TAFA1: variants seen among roughly 807,000 people sequenced by gnomAD.
TAFA1 encodes TAFA chemokine like family member 1, also known as chemokine-like protein TAFA-1.
TAFA1 carries 4 observed loss-of-function variants against 18.5 expected under a neutral mutation model. The observed-to-expected ratio is 0.22, with a 90% CI of 0.11 to 0.49. TAFA1 has a LOEUF of 0.49. Ranked by LOEUF, TAFA1 falls within the 20% of genes least tolerant of loss-of-function variation. The pLI is 0.98. For missense variants in TAFA1, 147 were observed against 169.0 expected (o/e 0.87, Z 0.72); for synonymous variants, 56 against 55.2 (o/e 1.01, Z -0.06).
intron 2 of TAFA1, among the ~76,000 whole-genome samples, chr3:68,277,876 A>G (rs1249039329): frequency 2.0e-5 from 3 of 152,202 alleles, no homozygotes; most frequent in African/African-American, 7.2e-5. Flanking sequence ...TCAGGTCAAT[A>G]CATTTAGCCA....
intron 2 of TAFA1, among the ~76,000 whole-genome samples, chr3:68,387,084 A>G (rs534967265): frequency 6.6e-6 from 1 of 150,760 alleles, no homozygotes; most frequent in Non-Finnish European, 1.5e-5. Flanking sequence ...GTCTGCATGC[A>G]GACACTTTCT....
chr3:68,110,008 G>A (rs1312654241), intron 2 of TAFA1, among the ~76,000 whole-genome samples: 2 of 151,726 alleles, frequency 1.3e-5, no homozygotes, highest in African/African-American at 4.8e-5. Flanking sequence ...GGATACATGT[G>A]CAGCATGTGC....
chr3:68,202,716 A>G (rs1290272991), intron 2 of TAFA1, among the ~76,000 whole-genome samples: 1 of 151,630 alleles, frequency 6.6e-6, no homozygotes, highest in Admixed American at 6.6e-5. Flanking sequence ...CCTTTCTATC[A>G]TTTCTCTAGT....
At chr3:68,029,582 A>G (rs942908977) in intron 2 of TAFA1, among the ~76,000 whole-genome samples, 6 of 152,226 alleles carry the variant, frequency 3.9e-5, no homozygotes, top group African/African-American at 1.4e-4. Flanking sequence ...ATTTCAAGTG[A>G]AGCCTGGGAC....
At chr3:68,369,595 T>G (rs1488239084) in intron 2 of TAFA1, among the ~76,000 whole-genome samples, 1 of 152,218 alleles carries the variant, frequency 6.6e-6, no homozygotes, top group African/African-American at 2.4e-5. Context: ...TTGTCCTATG[T>G]AGTTTCTGAA....
intron 1 of TAFA1, chr3:68,006,314 A>G (rs1418446515): frequency 6.9e-5 from 19 of 274,762 alleles, no homozygotes; most frequent in Non-Finnish European, 4.3e-5. Flanking sequence ...ATCATTGTGT[A>G]AAATAGGATT....
At chr3:68,180,014 T>TATTATTATA (rs1301806755) in intron 2 of TAFA1, among the ~76,000 whole-genome samples, 1 of 145,628 alleles carries the variant, frequency 6.9e-6, no homozygotes, top group Non-Finnish European at 1.5e-5. Context: ...CACATAATTT[T>TATTATTATA]ATTATTATTA....
chr3:68,395,599 A>T (rs577433121), intron 2 of TAFA1, among the ~76,000 whole-genome samples: 47 of 152,358 alleles, frequency 3.1e-4, no homozygotes, highest in African/African-American at 1.1e-3. Context: ...AATGTGGCAC[A>T]TATACACTAT....
chr3:68,469,914 C>T (rs1383842763), intron 3 of TAFA1, among the ~76,000 whole-genome samples: 1 of 152,130 alleles, frequency 6.6e-6, no homozygotes, highest in Non-Finnish European at 1.5e-5. Context: ...TTTAAAAGCA[C>T]ATCTACAGCT....
intron 3 of TAFA1, among the ~76,000 whole-genome samples, chr3:68,509,630 A>G (rs1442885473): frequency 6.6e-6 from 1 of 152,176 alleles, no homozygotes; most frequent in Non-Finnish European, 1.5e-5. Flanking sequence ...TATAATCACA[A>G]TTATTTTTAA....
rs185512604 is a variant in TAFA1 at position 68,307,746 on chromosome 3, G to A, written c.119-109534G>A. ...TTGATTTAGCATATTAGTTTCATCT[G>A]GAGAGTTTAAGTATTCATGAGAAGG... On this transcript the variant is annotated intron_variant, in intron 2 of 4. Transcript: ENST00000478136. Among the ~76,000 whole-genome samples the A allele has an allele frequency of 4.7e-3, 710 of 152,236 alleles. 23 individuals carry two copies. Among genetic ancestry groups the A allele is most frequent in the Admixed American group, 0.042 (638 of 15,282 alleles).
chr3:68,123,960 C>T (rs1433366175), intron 2 of TAFA1, among the ~76,000 whole-genome samples: 1 of 138,820 alleles, frequency 7.2e-6, no homozygotes, highest in Non-Finnish European at 1.5e-5. Flanking sequence ...TATCACTGTC[C>T]TTCAGTAATC....
At chr3:68,143,220 G>T (rs2065692420) in intron 2 of TAFA1, among the ~76,000 whole-genome samples, 1 of 152,124 alleles carries the variant, frequency 6.6e-6, no homozygotes, top group East Asian at 1.9e-4. Context: ...GTAGGTCCTG[G>T]AAGAATAGAG....
At chr3:68,281,631 C>T (rs1166525027) in intron 2 of TAFA1, among the ~76,000 whole-genome samples, 1 of 151,906 alleles carries the variant, frequency 6.6e-6, no homozygotes, top group Non-Finnish European at 1.5e-5. Flanking sequence ...CCACCATGCT[C>T]AGCTAATTTT....
At chr3:68,147,747 G>A (rs938029850) in intron 2 of TAFA1, among the ~76,000 whole-genome samples, 5 of 152,132 alleles carry the variant, frequency 3.3e-5, no homozygotes, top group Middle Eastern at 3.4e-3. Context: ...TCTTTCTTCC[G>A]CTTAATGATA....
At chr3:68,084,103 G>A (rs1276541171) in intron 2 of TAFA1, among the ~76,000 whole-genome samples, 2 of 152,160 alleles carry the variant, frequency 1.3e-5, no homozygotes, top group African/African-American at 2.4e-5. Flanking sequence ...CAGTTCTGGA[G>A]GTGACCAAAC....
intron 2 of TAFA1, among the ~76,000 whole-genome samples, chr3:68,295,221 G>A (rs1455231766): frequency 2.0e-5 from 3 of 152,080 alleles, no homozygotes; most frequent in African/African-American, 7.2e-5. Context: ...ATTATTTAGG[G>A]ATTTTGAATC....
At chr3:68,255,265 G>A (rs1208922968) in intron 2 of TAFA1, among the ~76,000 whole-genome samples, 1 of 151,936 alleles carries the variant, frequency 6.6e-6, no homozygotes, top group Non-Finnish European at 1.5e-5. Flanking sequence ...AAATATTATT[G>A]TTTCTCTTTT....
At chr3:68,390,278 GCTA>G (rs146951341) in intron 2 of TAFA1, among the ~76,000 whole-genome samples, 3,625 of 152,226 alleles carry the variant, frequency 0.024, 63 homozygotes, top group East Asian at 0.091. Flanking sequence ...GAACCACAAA[GCTA>G]CTGTAGCCAG....
Sources: gnomAD v4.1 joint callset for allele counts (sites outside exome capture counted in the v4.1 genomes callset) on GRCh38, gnomAD v4.1.1 for gene constraint, MANE v1.5 for transcripts, NCBI Gene and HGNC (gene_info 2026-07-23, HGNC 2026-07-21) for gene names.